WAC: variants seen among roughly 807,000 people sequenced by gnomAD.
The protein encoded by WAC is WW domain-containing adapter protein with coiled-coil.
A neutral mutation model predicts 79.6 loss-of-function variants in WAC; 11 were observed. That is an observed-to-expected ratio of 0.14 (90% CI 0.09 to 0.23). WAC has a LOEUF of 0.23. Among genes scored for constraint, WAC ranks in the 10% least tolerant of loss-of-function variants. The pLI, the probability that WAC is intolerant of heterozygous loss-of-function variation, is 1.00. For synonymous variants in WAC, 304 were observed against 276.9 expected, an observed-to-expected ratio of 1.10 and a Z score of -0.97; for missense variants, 728 against 773.5, an observed-to-expected ratio of 0.94 and a Z score of 0.70.
chr10:28,588,053 A>G (rs1435485273), intron 4 of WAC, among the ~76,000 whole-genome samples: 1 of 152,166 alleles, frequency 6.6e-6, no homozygotes, highest in Non-Finnish European at 1.5e-5. Context: ...CCTAGACCAT[A>G]CTGACCTCTG....
intron 3 of WAC, among the ~76,000 whole-genome samples, chr10:28,547,915 C>CTTTTTTTTTTTTTT (rs11408560): frequency 4.5e-5 from 6 of 132,326 alleles, no homozygotes; most frequent in Non-Finnish European, 6.3e-5. Flanking sequence ...TTCTCTTTTT[C>CTTTTTTTTTTTTTT]TTTTTTTTTT....
Position 28,603,608 on chromosome 10 carries a change from G to A in WAC, c.920-4578G>A, listed in dbSNP as rs190116612. Among the ~76,000 whole-genome samples, 6 of 152,098 alleles carry A rather than the reference G, an allele frequency of 3.9e-5. No individual in the cohort carries two copies. The East Asian group carries it at 1.2e-3, about 29-fold the overall frequency. On this transcript the variant is annotated intron_variant, in intron 7 of 13. Coordinates refer to ENST00000354911, the MANE Select transcript of WAC (RefSeq NM_016628.5). ...ATATCCTAACAAATTAGACAAAAAG[G>A]TTTCAGACAAATGAAGTTGTTAATT...
chr10:28,534,086 G>GA, intron 2 of WAC, 52 bp downstream of exon 2: 5 of 1,523,074 alleles, frequency 3.3e-6, no homozygotes, highest in Non-Finnish European at 3.5e-6. Flanking sequence ...AGGGGGAAGG[G>GA]AGGGACTGCT....
At chr10:28,574,207 T>C (rs975721381) in intron 3 of WAC, among the ~76,000 whole-genome samples, 1 of 152,118 alleles carries the variant, frequency 6.6e-6, no homozygotes, top group Non-Finnish European at 1.5e-5. Context: ...GTGTACAGTG[T>C]CACGATCTCG....
intron 1 of WAC, 24 bp from the exon 2 acceptor site, chr10:28,533,974 C>T: frequency 6.2e-7 from 1 of 1,605,620 alleles, no homozygotes; most frequent in Non-Finnish European, 8.5e-7. Context: ...TCTTATGTCG[C>T]TGCCTTCTCT....
In WAC at chr10:28,622,991, G is replaced by A. The variant is rs1841744315; in HGVS notation, c.*3385G>A. ...GGAGTGTACAAAATGACACTGAAAA[G>A]TAATAAATATGTTTTGACTATATTG... On this transcript the variant is annotated 3_prime_UTR_variant, in exon 14 of 14. Coordinates refer to ENST00000354911, the MANE Select transcript of WAC (RefSeq NM_016628.5). The A allele has an allele frequency of 6.6e-6, 1 of 152,142 alleles. No homozygotes were observed. The highest frequency in any genetic ancestry group is 2.4e-5 in the African/African-American group (1 of 41,422). 9.4% of individuals were successfully genotyped at this position (152,142 alleles called of 1,614,324 possible). A position where few individuals can be genotyped will look rare whatever the true frequency, so the allele number is the denominator to read the frequency against.
chr10:28,538,830 C>A (rs1445460002), intron 3 of WAC, among the ~76,000 whole-genome samples: 6 of 142,738 alleles, frequency 4.2e-5, no homozygotes, highest in Non-Finnish European at 9.0e-5. Context: ...TGCCACCACA[C>A]TCTAACCTGG....
intron 4 of WAC, among the ~76,000 whole-genome samples, chr10:28,586,161 C>T (rs765779902): frequency 6.6e-6 from 1 of 152,140 alleles, no homozygotes; most frequent in Non-Finnish European, 1.5e-5. Context: ...TTAGAGTTAT[C>T]TACACAGATA....
intron 12 of WAC, 21 bp from the exon 13 acceptor site, chr10:28,617,636 T>C: frequency 2.6e-6 from 4 of 1,536,828 alleles, no homozygotes; most frequent in Non-Finnish European, 3.5e-6. Context: ...TTTTATGTTT[T>C]CTTCATTTCT....
At chr10:28,575,837 A>G (rs1371063303) in intron 3 of WAC, among the ~76,000 whole-genome samples, 1 of 152,190 alleles carries the variant, frequency 6.6e-6, no homozygotes, top group Non-Finnish European at 1.5e-5. Flanking sequence ...TCCCATTTTA[A>G]AACTCTCCTG....
chr10:28,597,160 G>A (rs1840419294), intron 7 of WAC, among the ~76,000 whole-genome samples: 1 of 152,022 alleles, frequency 6.6e-6, no homozygotes, highest in African/African-American at 2.4e-5. Context: ...AGTGCATAAT[G>A]TGTCAGATTA....
intron 3 of WAC, among the ~76,000 whole-genome samples, chr10:28,580,988 A>C (rs1839502317): frequency 1.3e-5 from 2 of 152,140 alleles, no homozygotes; most frequent in African/African-American, 2.4e-5. Flanking sequence ...GTAAGCTTCT[A>C]AGAATTCTTG....
chr10:28,553,913 T>G (rs554197171), intron 3 of WAC, among the ~76,000 whole-genome samples: 3 of 152,162 alleles, frequency 2.0e-5, no homozygotes, highest in Admixed American at 6.5e-5. Context: ...CTGTTAACCA[T>G]GCTGGAGTGC....
chr10:28,577,422 T>TAA (rs1839301156), intron 3 of WAC, among the ~76,000 whole-genome samples: 3 of 152,200 alleles, frequency 2.0e-5, no homozygotes, highest in Admixed American at 6.5e-5. Flanking sequence ...GATAATAAAG[T>TAA]TGCATAATTT....
rs1479436908 is a variant in WAC at position 28,619,962 on chromosome 10, A to T, written c.*356A>T. 5.8e-4 allele frequency: 45 copies of T among 78,118 alleles called. No individual in the cohort carries two copies. Among genetic ancestry groups the T allele is most frequent in the East Asian group, 1.5e-3 (4 of 2,648 alleles). The allele number at this position is 78,118 out of a possible 1,614,324, so 4.8% of individuals were successfully genotyped here. Reference sequence around the variant, plus strand: ...CCTGTCTGCAAAATTAGCTTTTTTAAAAAAAAAAAAAAAAAAATTGGGGGG... The same window carrying T: ...CCTGTCTGCAAAATTAGCTTTTTTATAAAAAAAAAAAAAAAAATTGGGGGG... On this transcript the variant is annotated 3_prime_UTR_variant, in exon 14 of 14. Coordinates refer to ENST00000354911, the MANE Select transcript of WAC (RefSeq NM_016628.5).
chr10:28,551,901 T>C (rs989269757), intron 3 of WAC, among the ~76,000 whole-genome samples: 1 of 148,132 alleles, frequency 6.8e-6, no homozygotes, highest in Non-Finnish European at 1.5e-5. Context: ...CTCGGCTCAC[T>C]GCAACCTTTG....
At chr10:28,588,238 C>T (rs993182002) in intron 4 of WAC, among the ~76,000 whole-genome samples, 5 of 152,082 alleles carry the variant, frequency 3.3e-5, no homozygotes, top group Non-Finnish European at 7.4e-5. Context: ...CTGAATTTGG[C>T]CCTTTGTGAT....
chr10:28,555,316 C>G (rs1245019406), intron 3 of WAC, among the ~76,000 whole-genome samples: 1 of 152,176 alleles, frequency 6.6e-6, no homozygotes, highest in East Asian at 1.9e-4. Flanking sequence ...GAGTTATGCT[C>G]TTCACTTAGG....
intron 7 of WAC, among the ~76,000 whole-genome samples, chr10:28,598,368 G>A (rs1840482579): frequency 6.6e-6 from 1 of 152,142 alleles, no homozygotes; most frequent in Non-Finnish European, 1.5e-5. Context: ...CTGAGCTTTT[G>A]CTAAATAGAA....
Sources: gnomAD v4.1 joint callset for allele counts (sites outside exome capture counted in the v4.1 genomes callset) on GRCh38, gnomAD v4.1.1 for gene constraint, MANE v1.5 for transcripts, NCBI Gene and HGNC (gene_info 2026-07-23, HGNC 2026-07-21) for gene names.